Variants in MARCHF1 observed in about 807,000 individuals in gnomAD.
MARCHF1 encodes membrane associated ring-CH-type finger 1, also known as E3 ubiquitin-protein ligase MARCHF1.
MARCHF1 carries 40 observed loss-of-function variants against 54.2 expected under a neutral mutation model. The observed-to-expected ratio is 0.74, with a 90% CI of 0.57 to 0.96. The LOEUF is 0.96. Ranked by LOEUF, MARCHF1 falls within the 40% of genes least tolerant of loss-of-function variation. MARCHF1 has a pLI of 0.00. For missense variants in MARCHF1, 586 were observed against 656.5 expected, an observed-to-expected ratio of 0.89 and a Z score of 1.17; for synonymous variants, 236 against 236.3, an observed-to-expected ratio of 1.00 and a Z score of 0.01.
intron 1 of MARCHF1, among the ~76,000 whole-genome samples, chr4:164,288,113 T>C (rs1734195864): frequency 6.6e-6 from 1 of 152,082 alleles, no homozygotes; most frequent in Non-Finnish European, 1.5e-5. Context: ...ATGATCCACA[T>C]GGTTCAAAAT....
At chr4:163,989,660 C>A (rs1393402767) in intron 2 of MARCHF1, among the ~76,000 whole-genome samples, 1 of 152,330 alleles carries the variant, frequency 6.6e-6, no homozygotes, top group East Asian at 1.9e-4. Flanking sequence ...AAACATCCTA[C>A]TCTCTCAGTG....
Position 163,612,643 on chromosome 4 carries a change from C to A in MARCHF1, c.638G>T (p.Gly213Val). 1 of 1,535,518 alleles carries A rather than the reference C, an allele frequency of 6.5e-7. No individual in the cohort carries two copies. Among genetic ancestry groups the A allele is most frequent in the Non-Finnish European group, 8.7e-7 (1 of 1,146,540 alleles). The part of the protein sequence containing the change: ...TPNGIELVDL[G>V]SKGKEQQELI... ...CTCTTGTTGCTCTTTACCTTTGGATCCCAGATCAACGAGCTCAATTCCGTT... is the reference window on the plus strand; with the variant it reads ...CTCTTGTTGCTCTTTACCTTTGGATACCAGATCAACGAGCTCAATTCCGTT... Residue 213 changes from glycine to valine, a missense_variant, in exon 7 of 10, where the codon GGA becomes GTA. By Grantham distance (109) the Gly-to-Val change is moderately radical (BLOSUM62 -3). Transcript: ENST00000514618.
At chr4:163,627,566 G>A (rs1741914860) in intron 5 of MARCHF1, among the ~76,000 whole-genome samples, 1 of 152,058 alleles carries the variant, frequency 6.6e-6, no homozygotes, top group South Asian at 2.1e-4. Flanking sequence ...AAAATGTTGG[G>A]CCTTCGATGT....
chr4:164,108,317 A>G (rs550444009), intron 2 of MARCHF1, among the ~76,000 whole-genome samples: 24 of 152,108 alleles, frequency 1.6e-4, no homozygotes, highest in Admixed American at 7.2e-4. Flanking sequence ...ATTTTATTCT[A>G]TCTGTAATAA....
chr4:163,907,241 G>A (rs1190754751), intron 3 of MARCHF1, among the ~76,000 whole-genome samples: 1 of 151,768 alleles, frequency 6.6e-6, no homozygotes, highest in South Asian at 2.1e-4. Flanking sequence ...TTGTTTTATA[G>A]CTTTCTTAAC....
chr4:163,902,467 T>C (rs1173163200), intron 3 of MARCHF1, among the ~76,000 whole-genome samples: 1 of 152,276 alleles, frequency 6.6e-6, no homozygotes, highest in East Asian at 1.9e-4. Context: ...TACTTATTGA[T>C]GTTGGCCCCT....
In MARCHF1 at chr4:163,603,755, T is replaced by C. The variant is rs1259620826; in HGVS notation, c.1010+8516A>G. On this transcript the variant is annotated intron_variant, in intron 7 of 9. Coordinates refer to ENST00000514618, the MANE Select transcript of MARCHF1 (RefSeq NM_001394959.1). ...CACATTTATCATTTTTCTCTTTTAC[T>C]TGTATTGCAAAAAAAAGTCATACCT... 3.9e-5 allele frequency among the ~76,000 whole-genome samples: 6 copies of C among 152,070 alleles called. No homozygotes were observed. The East Asian group carries it at 7.7e-4, about 20-fold the overall frequency.
At chr4:163,681,008 CAT>C (rs1217149127) in intron 5 of MARCHF1, among the ~76,000 whole-genome samples, 2 of 148,978 alleles carry the variant, frequency 1.3e-5, no homozygotes, top group East Asian at 3.9e-4. Flanking sequence ...GTAATATTAA[CAT>C]ATTTAATAAA....
chr4:164,294,400 C>G (rs1280079430), intron 1 of MARCHF1, among the ~76,000 whole-genome samples: 2 of 152,164 alleles, frequency 1.3e-5, no homozygotes, highest in Non-Finnish European at 2.9e-5. Context: ...CTGAGTCCAG[C>G]CATGGATTCA....
intron 4 of MARCHF1, among the ~76,000 whole-genome samples, chr4:163,808,187 C>T (rs922357617): frequency 3.3e-5 from 5 of 152,152 alleles, no homozygotes; most frequent in Admixed American, 6.5e-5. Flanking sequence ...CTAACCAAAA[C>T]CCAATAATAA....
At chr4:163,904,910 T>A (rs1180135770) in intron 3 of MARCHF1, among the ~76,000 whole-genome samples, 1 of 152,182 alleles carries the variant, frequency 6.6e-6, no homozygotes, top group Non-Finnish European at 1.5e-5. Context: ...TGATTCTAAC[T>A]TGTATTTCAC....
chr4:163,607,774 C>T (rs1741192687), intron 7 of MARCHF1, among the ~76,000 whole-genome samples: 1 of 152,068 alleles, frequency 6.6e-6, no homozygotes, highest in Admixed American at 6.6e-5. Flanking sequence ...AATGTGATTC[C>T]TGCATCAGAA....
At chr4:164,375,390 T>C (rs952396225) in intron 1 of MARCHF1, among the ~76,000 whole-genome samples, 8 of 152,166 alleles carry the variant, frequency 5.3e-5, no homozygotes. Flanking sequence ...CTTAAAAGCC[T>C]TGTAGGTAGT....
chr4:164,024,086 T>C (rs756025815), intron 2 of MARCHF1, among the ~76,000 whole-genome samples: 1 of 152,132 alleles, frequency 6.6e-6, no homozygotes, highest in South Asian at 2.1e-4. Flanking sequence ...TATGGGATTA[T>C]GTGAAGAGAC....
chr4:163,898,381 C>T (rs1750861637), intron 3 of MARCHF1, among the ~76,000 whole-genome samples: 1 of 152,002 alleles, frequency 6.6e-6, no homozygotes, highest in African/African-American at 2.4e-5. Context: ...ATGACATGAA[C>T]AGACATTTCT....
chr4:164,358,357 A>G (rs953969740), intron 1 of MARCHF1, among the ~76,000 whole-genome samples: 1 of 152,160 alleles, frequency 6.6e-6, no homozygotes, highest in Non-Finnish European at 1.5e-5. Flanking sequence ...TCACTAGTCA[A>G]CTTATTTTGA....
intron 5 of MARCHF1, among the ~76,000 whole-genome samples, chr4:163,640,157 C>A (rs546562144): frequency 1.3e-5 from 2 of 152,106 alleles, no homozygotes; most frequent in Non-Finnish European, 2.9e-5. Flanking sequence ...GGAGAACAAA[C>A]TGTGGGATCT....
At chr4:163,795,484 C>A (rs545640281) in intron 4 of MARCHF1, among the ~76,000 whole-genome samples, 2 of 152,214 alleles carry the variant, frequency 1.3e-5, no homozygotes, top group Admixed American at 6.5e-5. Flanking sequence ...CCTGCCTTGG[C>A]CTCCCAATGT....
intron 4 of MARCHF1, among the ~76,000 whole-genome samples, chr4:163,825,631 C>T (rs975863527): frequency 6.6e-6 from 1 of 152,004 alleles, no homozygotes; most frequent in South Asian, 2.1e-4. Flanking sequence ...TTAATAGTAG[C>T]CATTCTGACT....
Sources: allele counts gnomAD v4.1 joint callset (sites outside exome capture counted in the v4.1 genomes callset), GRCh38; gene constraint gnomAD v4.1.1; transcripts MANE v1.5; gene names NCBI Gene and HGNC (gene_info 2026-07-23, HGNC 2026-07-21).